The following DOCK5 variants were observed in gnomAD, a reference collection of about 807,000 sequenced individuals.
DOCK5 encodes the protein dedicator of cytokinesis 5, also known as dedicator of cytokinesis protein 5.
Under a neutral mutation model 251.8 loss-of-function variants are expected in DOCK5, and 142 were observed. The ratio of observed to expected loss-of-function variants is 0.56; its 90% CI spans 0.49 to 0.65. The LOEUF (loss-of-function observed/expected upper bound fraction) is 0.65, where lower values mean the gene tolerates loss of function less well. Ranked by LOEUF, DOCK5 falls within the 30% of genes least tolerant of loss-of-function variation. The pLI is 0.00. For synonymous variants in DOCK5, 842 were observed against 835.5 expected (o/e 1.01, Z -0.13); for missense variants, 2,111 against 2,312.3 (o/e 0.91, Z 1.79).
intron 2 of DOCK5, among the ~76,000 whole-genome samples, chr8:25,263,237 G>GA (rs1803640478): frequency 3.4e-3 from 1 of 290 alleles, no homozygotes; most frequent in Admixed American, 0.05. Context: ...TGTTTGGGAC[G>GA]TTGTGCTTTC....
At chr8:25,356,273 C>A (rs1427660151) in intron 27 of DOCK5, among the ~76,000 whole-genome samples, 1 of 152,106 alleles carries the variant, frequency 6.6e-6, no homozygotes, top group Admixed American at 6.6e-5. Flanking sequence ...CAGAACAGAA[C>A]CATGATAAGT....
chr8:25,239,343 G>A lies in DOCK5; in HGVS notation c.44-4331G>A, dbSNP rs867907505. ...TATGTGTGTGTGTGTGTGTGTGTAT[G>A]TGTGTGTGTGTGTGTGTGTGTGTGT... On this transcript the variant is annotated intron_variant, in intron 1 of 51. Transcript: ENST00000276440. Among the ~76,000 whole-genome samples the A allele has an allele frequency of 3.2e-4, 43 of 132,884 alleles. 1 individual carries two copies. The highest frequency in any genetic ancestry group is 6.7e-4 in the Admixed American group (9 of 13,422). The allele number at this position is 132,884 out of a possible 152,430, so 87.2% of individuals were successfully genotyped here.
intron 18 of DOCK5, among the ~76,000 whole-genome samples, chr8:25,326,224 C>G (rs1241758493): frequency 6.6e-6 from 1 of 152,182 alleles, no homozygotes; most frequent in Non-Finnish European, 1.5e-5. Context: ...GCCTAGGGGA[C>G]TTGCGCTAGA....
chr8:25,282,906 C>T (rs2941598), intron 5 of DOCK5, among the ~76,000 whole-genome samples: 94,324 of 143,616 alleles, frequency 0.66, 33,938 homozygotes, highest in Non-Finnish European at 0.82. Flanking sequence ...TTAGAAATCC[C>T]ACATTTCTAT....
intron 1 of DOCK5, among the ~76,000 whole-genome samples, chr8:25,225,237 C>T (rs759756963): frequency 2.6e-5 from 4 of 152,194 alleles, no homozygotes; most frequent in Non-Finnish European, 4.4e-5. Context: ...TCCAGCAATT[C>T]CACTTCTAGG....
chr8:25,301,702 C>CAA (rs5890221), intron 9 of DOCK5, among the ~76,000 whole-genome samples: 388 of 136,888 alleles, frequency 2.8e-3, no homozygotes, highest in Non-Finnish European at 3.8e-3. Flanking sequence ...GAGACCTTGT[C>CAA]AAAAAAAAAA....
rs1241573726 is a variant in DOCK5, at chr8:25,389,972, C to T, written c.4274-234C>T. On this transcript the variant is annotated intron_variant, in intron 41 of 51. Transcript: ENST00000276440. ...TTTCCCTATGGCAAGGATTGTTTGC[C>T]AGATGTCTGACCGAAAAAAAAAAAA... 2.4e-5 allele frequency among the ~76,000 whole-genome samples: 3 copies of T among 123,454 alleles called. No homozygotes were observed. The East Asian group carries it at 7.3e-4, about 30-fold the overall frequency. The allele number at this position is 123,454 out of a possible 152,430, so 81.0% of individuals were successfully genotyped here. A position where few individuals can be genotyped will look rare whatever the true frequency, so the allele number is the denominator to read the frequency against.
intron 27 of DOCK5, among the ~76,000 whole-genome samples, chr8:25,354,216 A>C (rs1800526002): frequency 6.6e-6 from 1 of 152,136 alleles, no homozygotes; most frequent in Non-Finnish European, 1.5e-5. Flanking sequence ...GGAAAAAAAC[A>C]GGATTGAAGA....
chr8:25,319,539 C>G (rs777466750), intron 14 of DOCK5, 39 bp from the exon 15 acceptor site: 2 of 1,485,766 alleles, frequency 1.3e-6, no homozygotes, highest in South Asian at 2.4e-5. Context: ...CTTTTCTAAA[C>G]AAAATTATTC....
intron 2 of DOCK5, among the ~76,000 whole-genome samples, chr8:25,259,207 G>A (rs1323753762): frequency 6.6e-6 from 1 of 152,156 alleles, no homozygotes; most frequent in Non-Finnish European, 1.5e-5. Flanking sequence ...GTGCCTATGC[G>A]TGTGTGTTTT....
chr8:25,215,532 A>G (rs1802222493), intron 1 of DOCK5, among the ~76,000 whole-genome samples: 1 of 152,034 alleles, frequency 6.6e-6, no homozygotes, highest in Non-Finnish European at 1.5e-5. Context: ...GTTGCCATTT[A>G]TTGTGAAGGT....
intron 18 of DOCK5, among the ~76,000 whole-genome samples, chr8:25,331,158 T>C (rs375152278): frequency 5.9e-5 from 9 of 151,808 alleles, no homozygotes; most frequent in African/African-American, 2.2e-4. Context: ...GTGCTCTGAA[T>C]AGAAATAGTA....
chr8:25,297,270 A>ATT (rs1311282663), intron 7 of DOCK5, among the ~76,000 whole-genome samples: 2 of 113,230 alleles, frequency 1.8e-5, no homozygotes, highest in Non-Finnish European at 3.8e-5. Flanking sequence ...AATTTTTGTA[A>ATT]TTTTTTTTTT....
At chr8:25,213,639 G>T (rs933262958) in intron 1 of DOCK5, among the ~76,000 whole-genome samples, 8 of 152,148 alleles carry the variant, frequency 5.3e-5, no homozygotes, top group African/African-American at 1.9e-4. Flanking sequence ...AGGGAGGAAT[G>T]AACTTTCTTT....
chr8:25,334,041 G>C, intron 20 of DOCK5, 55 bp from the exon 21 acceptor site: 2 of 1,387,670 alleles, frequency 1.4e-6, no homozygotes. Flanking sequence ...GCGGCTTGTT[G>C]ACAGAATACT....
At chr8:25,229,162 G>A (rs1261871841) in intron 1 of DOCK5, among the ~76,000 whole-genome samples, 1 of 152,078 alleles carries the variant, frequency 6.6e-6, no homozygotes, top group East Asian at 1.9e-4. Context: ...CAGAAAGAAT[G>A]CCACACATAC....
intron 2 of DOCK5, among the ~76,000 whole-genome samples, chr8:25,253,896 T>C (rs572308710): frequency 6.6e-6 from 1 of 152,340 alleles, no homozygotes; most frequent in Admixed American, 6.5e-5. Flanking sequence ...GACAGATGGA[T>C]TCTAAAGTTA....
chr8:25,316,522 G>T (rs1176279181), intron 13 of DOCK5, among the ~76,000 whole-genome samples: 1 of 152,142 alleles, frequency 6.6e-6, no homozygotes, highest in Non-Finnish European at 1.5e-5. Flanking sequence ...CAGAAAGAGT[G>T]TCTACCTCAT....
At chr8:25,331,592 A>G (rs1421385628) in intron 18 of DOCK5, among the ~76,000 whole-genome samples, 1 of 152,114 alleles carries the variant, frequency 6.6e-6, no homozygotes, top group Admixed American at 6.6e-5. Flanking sequence ...TATTTCTTCA[A>G]AGAACTCTGG....
Sources: gnomAD v4.1 joint callset for allele counts (sites outside exome capture counted in the v4.1 genomes callset) on GRCh38, gnomAD v4.1.1 for gene constraint, MANE v1.5 for transcripts, NCBI Gene and HGNC (gene_info 2026-07-23, HGNC 2026-07-21) for gene names.